RSF1: variants seen among roughly 807,000 people sequenced by gnomAD.
RSF1 encodes HBV pX-associated protein 8.
In RSF1, 13 loss-of-function variants were observed where a neutral mutation model predicts 145.2. That is an observed-to-expected ratio of 0.09 (90% CI 0.06 to 0.14). The LOEUF is 0.14. RSF1 is among the 10% of genes least tolerant of loss of function. RSF1 has a pLI of 1.00. For synonymous variants in RSF1, 577 were observed against 592.6 expected (o/e 0.97, Z 0.38); for missense variants, 1,517 against 1,718.2 (o/e 0.88, Z 2.07).
In RSF1 at chr11:77,663,112, C is replaced by T. The variant is rs1959272259; in HGVS notation, c.*3805G>A. The T allele has an allele frequency of 6.6e-6, 1 of 152,136 alleles. No individual in the cohort carries two copies. Among genetic ancestry groups the T allele is most frequent in the South Asian group, 2.1e-4 (1 of 4,832 alleles). The allele number at this position is 152,136 out of a possible 1,614,324, so 9.4% of individuals were successfully genotyped here. On this transcript the variant is annotated 3_prime_UTR_variant, in exon 16 of 16. Transcript: ENST00000308488. ...GTGAGGCATCACCTTGAATAACGGG[C>T]CTGTTCCACTGTACTGGTAAAGAGC...
chr11:77,766,678 A>C (rs568697024), intron 1 of RSF1, among the ~76,000 whole-genome samples: 2 of 152,224 alleles, frequency 1.3e-5, no homozygotes, highest in Non-Finnish European at 2.9e-5. Flanking sequence ...GAACTGGAGG[A>C]ATGGACATAG....
rs1959229108 is a variant in RSF1, at chr11:77,661,284, A to G, written c.*5633T>C. On this transcript the variant is annotated 3_prime_UTR_variant, in exon 16 of 16. Coordinates refer to ENST00000308488, the MANE Select transcript of RSF1 (RefSeq NM_016578.4). The stretch of plus-strand genomic sequence containing the variant: ...ACAACAGATACCATCTCAAGAAGCT[A>G]CTTTGAAAGAGAATAGAACACCAGA... 2 of 152,182 alleles carry G rather than the reference A, an allele frequency of 1.3e-5. No individual in the cohort carries two copies. Among genetic ancestry groups the G allele is most frequent in the South Asian group, 4.1e-4 (2 of 4,836 alleles). The allele number at this position is 152,182 out of a possible 1,614,324, so 9.4% of individuals were successfully genotyped here.
intron 5 of RSF1, chr11:77,703,346 T>C (rs1224953131): frequency 2.6e-5 from 4 of 152,194 alleles, no homozygotes. Context: ...ATTCAGTAAA[T>C]AGCATAATCT....
chr11:77,740,673 A>C, intron 4 of RSF1, 58 bp downstream of exon 4: 2 of 1,496,134 alleles, frequency 1.3e-6, no homozygotes, highest in African/African-American at 1.4e-5. Flanking sequence ...CTAGTTTTGA[A>C]ACGAGATCAA....
intron 4 of RSF1, 36 bp downstream of exon 4, chr11:77,740,695 C>T (rs1019711558): frequency 5.8e-6 from 9 of 1,562,406 alleles, no homozygotes; most frequent in Non-Finnish European, 7.1e-6. Context: ...GTACAAAACA[C>T]ACAAATAAGT....
At chr11:77,732,689 T>C (rs1180602736) in intron 4 of RSF1, among the ~76,000 whole-genome samples, 1 of 152,198 alleles carries the variant, frequency 6.6e-6, no homozygotes, top group Non-Finnish European at 1.5e-5. Context: ...AGCTCCTTCT[T>C]TGCCTGCCGC....
intron 1 of RSF1, among the ~76,000 whole-genome samples, chr11:77,813,958 T>C (rs1299122445): frequency 6.6e-6 from 1 of 151,960 alleles, no homozygotes; most frequent in Non-Finnish European, 1.5e-5. Flanking sequence ...CCCAGCACTT[T>C]GAGAGGTGGA....
chr11:77,788,177 AT>A (rs1385939431), intron 1 of RSF1, among the ~76,000 whole-genome samples: 67 of 104,812 alleles, frequency 6.4e-4, no homozygotes, highest in African/African-American at 8.5e-4. Flanking sequence ...AAAAAAAAAA[AT>A]TAGGGGTAAA....
At chr11:77,719,713 G>A (rs1960900838) in intron 5 of RSF1, among the ~76,000 whole-genome samples, 1 of 152,154 alleles carries the variant, frequency 6.6e-6, no homozygotes, top group Non-Finnish European at 1.5e-5. Flanking sequence ...CAAGTGAACA[G>A]ATAAATAAAA....
chr11:77,742,697 C>T (rs777075615), intron 3 of RSF1, among the ~76,000 whole-genome samples: 1 of 152,188 alleles, frequency 6.6e-6, no homozygotes, highest in South Asian at 2.1e-4. Flanking sequence ...AAATGCATTA[C>T]CCTGATAATT....
At chr11:77,737,700 T>C (rs1389261437) in intron 4 of RSF1, among the ~76,000 whole-genome samples, 2 of 124,792 alleles carry the variant, frequency 1.6e-5, no homozygotes, top group Non-Finnish European at 3.4e-5. Context: ...GAACAAAACA[T>C]GGAGAAATGG....
the RSF1 span, among the ~76,000 whole-genome samples, chr11:77,867,551 G>C: frequency 6.6e-6 from 1 of 152,208 alleles, no homozygotes; most frequent in Non-Finnish European, 1.5e-5. Context: ...ACAGAGTTAA[G>C]TTCTCAGTAA....
chr11:77,756,147 T>C (rs984065483), intron 2 of RSF1, among the ~76,000 whole-genome samples: 1 of 151,808 alleles, frequency 6.6e-6, no homozygotes, highest in African/African-American at 2.4e-5. Context: ...CACCTGAGGT[T>C]GGGAGTTTGA....
intron 1 of RSF1, among the ~76,000 whole-genome samples, chr11:77,776,141 G>C (rs1459562097): frequency 6.6e-6 from 1 of 152,022 alleles, no homozygotes; most frequent in Non-Finnish European, 1.5e-5. Flanking sequence ...CTGGAGCCCA[G>C]GACTTCAAGG....
chr11:77,675,418 G>A (rs1052437089), intron 13 of RSF1, among the ~76,000 whole-genome samples, 162 bp from the exon 14 acceptor site: 10 of 152,176 alleles, frequency 6.6e-5, no homozygotes, highest in Admixed American at 3.9e-4. Context: ...TGGGGAAAAT[G>A]TTTTGCCACC....
At chr11:77,743,303 G>A (rs1277991906) in intron 3 of RSF1, among the ~76,000 whole-genome samples, 3 of 152,160 alleles carry the variant, frequency 2.0e-5, no homozygotes, top group African/African-American at 4.8e-5. Flanking sequence ...GGACTGCGTT[G>A]AATCTGTAGA....
rs146911417 is a variant in RSF1, at chr11:77,681,258, G to A, written c.3065+2452C>T. ...TCTAAAATCATATATGACTAAAATC[G>A]GAATTTAGGGTAAACTATGTATTTT... On this transcript the variant is annotated intron_variant, in intron 11 of 15. Transcript: ENST00000308488. Among the ~76,000 whole-genome samples, 9 of 152,114 alleles carry A rather than the reference G, an allele frequency of 5.9e-5. No homozygotes were observed. The East Asian group carries it at 1.7e-3, about 29-fold the overall frequency.
At chr11:77,832,641 T>G in the RSF1 span, among the ~76,000 whole-genome samples, 1 of 151,886 alleles carries the variant, frequency 6.6e-6, no homozygotes, top group Non-Finnish European at 1.5e-5. Flanking sequence ...GGAACTTTTA[T>G]ATTTATTCTT....
intron 5 of RSF1, among the ~76,000 whole-genome samples, chr11:77,707,281 G>A (rs960290879): frequency 6.6e-6 from 1 of 152,066 alleles, no homozygotes; most frequent in Admixed American, 6.6e-5. Flanking sequence ...TCTAAATGTT[G>A]GCAAATAACA....
Sources: gnomAD v4.1 joint callset for allele counts (sites outside exome capture counted in the v4.1 genomes callset) on GRCh38, gnomAD v4.1.1 for gene constraint, MANE v1.5 for transcripts, NCBI Gene and HGNC (gene_info 2026-07-23, HGNC 2026-07-21) for gene names.